Variants in THSD4 observed in about 807,000 individuals in gnomAD.
The protein encoded by THSD4 is thrombospondin type 1 domain containing 4, also known as thrombospondin type-1 domain-containing protein 4.
THSD4 carries 69 observed loss-of-function variants against 119.0 expected under a neutral mutation model. The ratio of observed to expected loss-of-function variants is 0.58; its 90% confidence interval spans 0.48 to 0.71. The LOEUF is 0.71. Ranked by LOEUF, THSD4 falls within the 30% of genes least tolerant of loss-of-function variation. The pLI, the probability that THSD4 is intolerant of heterozygous loss-of-function variation, is 0.00. For missense variants in THSD4, 1,393 were observed against 1,391.1 expected (o/e 1.00, Z -0.02); for synonymous variants, 524 against 540.4 (o/e 0.97, Z 0.42).
At chr15:71,339,668 A>G (rs1198775262) in intron 6 of THSD4, among the ~76,000 whole-genome samples, 1 of 152,150 alleles carries the variant, frequency 6.6e-6, no homozygotes, top group Non-Finnish European at 1.5e-5. Flanking sequence ...TCAGTTTCCT[A>G]ATCTCTAAAA....
At chr15:71,763,682 C>T (rs192964222) in intron 15 of THSD4, among the ~76,000 whole-genome samples, 41 of 152,126 alleles carry the variant, frequency 2.7e-4, no homozygotes, top group Admixed American at 5.2e-4. Flanking sequence ...TGACCCCAGG[C>T]GATTTGCTCA....
intron 7 of THSD4, chr15:71,547,428 A>T (rs753901668): frequency 1.3e-6 from 2 of 1,550,344 alleles, no homozygotes; most frequent in Non-Finnish European, 1.7e-6. Flanking sequence ...CAGCTACCTG[A>T]TATTAACATT....
At chr15:71,443,856 T>C (rs2047144252) in intron 7 of THSD4, among the ~76,000 whole-genome samples, 2 of 152,196 alleles carry the variant, frequency 1.3e-5, no homozygotes, top group Non-Finnish European at 2.9e-5. Context: ...TAACAAATAC[T>C]CTTCAAATGC....
chr15:71,471,964 C>T (rs1050775004), intron 7 of THSD4, among the ~76,000 whole-genome samples: 1 of 152,150 alleles, frequency 6.6e-6, no homozygotes, highest in African/African-American at 2.4e-5. Context: ...ACCCAGGCTA[C>T]AGTGCAGTGG....
chr15:71,635,584 C>G (rs1049181160), intron 7 of THSD4, among the ~76,000 whole-genome samples: 1 of 152,166 alleles, frequency 6.6e-6, no homozygotes, highest in South Asian at 2.1e-4. Flanking sequence ...AAAGGAAACA[C>G]GTCATGGATT....
intron 17 of THSD4, among the ~76,000 whole-genome samples, chr15:71,776,130 G>T (rs982183137): frequency 5.3e-5 from 8 of 152,198 alleles, no homozygotes; most frequent in African/African-American, 1.9e-4. Flanking sequence ...TTTTAGAAGA[G>T]AACAGGGAAA....
intron 15 of THSD4, among the ~76,000 whole-genome samples, chr15:71,759,983 A>G (rs1476598442): frequency 2.0e-5 from 3 of 152,208 alleles, no homozygotes; most frequent in Admixed American, 6.5e-5. Context: ...TCCCTGCCCT[A>G]GGAATTTGAC....
At chr15:71,423,210 C>T (rs1421745979) in intron 7 of THSD4, among the ~76,000 whole-genome samples, 1 of 152,160 alleles carries the variant, frequency 6.6e-6, no homozygotes, top group Non-Finnish European at 1.5e-5. Flanking sequence ...ATCTAAGCTA[C>T]AAGACAAAGT....
At chr15:71,585,400 T>C (rs1047278437) in intron 7 of THSD4, among the ~76,000 whole-genome samples, 3 of 152,216 alleles carry the variant, frequency 2.0e-5, no homozygotes, top group Admixed American at 1.3e-4. Flanking sequence ...GAATATATCC[T>C]CACTGTCTCC....
At chr15:71,505,021 A>G (rs2048167280) in intron 7 of THSD4, among the ~76,000 whole-genome samples, 1 of 152,192 alleles carries the variant, frequency 6.6e-6, no homozygotes, top group Non-Finnish European at 1.5e-5. Flanking sequence ...GACTGGGGCT[A>G]TGGGTTTGAG....
chr15:71,281,754 T>A (rs2044655847), intron 6 of THSD4, among the ~76,000 whole-genome samples: 1 of 152,204 alleles, frequency 6.6e-6, no homozygotes, highest in African/African-American at 2.4e-5. Flanking sequence ...ATTTGATAAA[T>A]GAGTTTGTAT....
intron 4 of THSD4, among the ~76,000 whole-genome samples, chr15:71,236,567 A>T (rs888680001): frequency 3.3e-5 from 5 of 152,228 alleles, no homozygotes; most frequent in Admixed American, 1.3e-4. Flanking sequence ...TAATTCATAT[A>T]ACAGAAATTA....
At chr15:71,439,118 A>C (rs1039517761) in intron 7 of THSD4, among the ~76,000 whole-genome samples, 4 of 152,178 alleles carry the variant, frequency 2.6e-5, no homozygotes, top group African/African-American at 9.7e-5. Flanking sequence ...TTTTAGGACA[A>C]ACTAGATTTG....
chr15:71,713,206 C>T (rs887833959), intron 8 of THSD4, among the ~76,000 whole-genome samples: 1 of 152,196 alleles, frequency 6.6e-6, no homozygotes, highest in South Asian at 2.1e-4. Flanking sequence ...TGGTCCCTCC[C>T]ATTGGGCAGG....
At chr15:71,264,032 C>G (rs1335165854) in intron 6 of THSD4, among the ~76,000 whole-genome samples, 1 of 152,366 alleles carries the variant, frequency 6.6e-6, no homozygotes, top group East Asian at 1.9e-4. Flanking sequence ...AGATCTACCC[C>G]TTGCGTGCTT....
chr15:71,726,737 A>G (rs2052847040), intron 8 of THSD4, among the ~76,000 whole-genome samples: 1 of 152,254 alleles, frequency 6.6e-6, no homozygotes, highest in African/African-American at 2.4e-5. Flanking sequence ...CAGGAGTTCA[A>G]GACCAGCCTG....
intron 1 of THSD4, among the ~76,000 whole-genome samples, chr15:71,140,602 G>A (rs601176): frequency 6.6e-6 from 1 of 151,990 alleles, no homozygotes; most frequent in Non-Finnish European, 1.5e-5. Flanking sequence ...TGAGGGTGAC[G>A]CTGCCCCAGC....
intron 7 of THSD4, among the ~76,000 whole-genome samples, chr15:71,463,025 A>G (rs2047448356): frequency 6.6e-6 from 1 of 152,204 alleles, no homozygotes; most frequent in African/African-American, 2.4e-5. Flanking sequence ...TTTAGCTGTG[A>G]TCAACTAAAA....
At chr15:71,501,411 A>C (rs1001892700) in intron 7 of THSD4, among the ~76,000 whole-genome samples, 1 of 152,218 alleles carries the variant, frequency 6.6e-6, no homozygotes, top group African/African-American at 2.4e-5. Context: ...GAAGCTGGGT[A>C]TACCTCAAGT....
Sources: allele counts gnomAD v4.1 joint callset (sites outside exome capture counted in the v4.1 genomes callset), GRCh38; gene constraint gnomAD v4.1.1; transcripts MANE v1.5; gene names NCBI Gene and HGNC (gene_info 2026-07-23, HGNC 2026-07-21).